The following TDRD3 variants were observed in gnomAD, a reference collection of about 807,000 sequenced individuals.
The protein encoded by TDRD3 is tudor domain containing 3, also known as tudor domain-containing protein 3.
In TDRD3, 45 loss-of-function variants were observed where a neutral mutation model predicts 86.7. The ratio of observed to expected loss-of-function variants is 0.52; its 90% confidence interval spans 0.41 to 0.67. The LOEUF (loss-of-function observed/expected upper bound fraction) is 0.67, where lower values mean the gene tolerates loss of function less well. TDRD3 is among the 30% of genes least tolerant of loss of function. The probability of loss-of-function intolerance (pLI) is 0.00; values close to 1 mark genes in which losing one functional copy is unlikely to be tolerated. For missense variants in TDRD3, 814 were observed against 889.0 expected, an observed-to-expected ratio of 0.92 and a Z score of 1.07; for synonymous variants, 298 against 301.7, an observed-to-expected ratio of 0.99 and a Z score of 0.13.
intron 1 of TDRD3, among the ~76,000 whole-genome samples, chr13:60,435,601 CA>C (rs1955069033): frequency 6.6e-6 from 1 of 152,098 alleles, no homozygotes; most frequent in Non-Finnish European, 1.5e-5. Flanking sequence ...GACATTATTT[CA>C]ATTCGTTTTT....
intron 10 of TDRD3, among the ~76,000 whole-genome samples, chr13:60,518,330 A>G (rs1280726804): frequency 2.0e-5 from 3 of 152,188 alleles, no homozygotes; most frequent in African/African-American, 7.2e-5. Context: ...GCATCTTAAC[A>G]CTGGAGGCTC....
chr13:60,463,362 CAAAA>C lies in TDRD3; in HGVS notation c.353+2839_353+2842del, dbSNP rs57195209. On this transcript the variant is annotated intron_variant, in intron 4 of 13. Transcript: ENST00000377881. ...GTGTGACAAGAGCAAAATTCTGGCT[CAAAA>C]AAAAAAAAAAAAAAAAGATAAGACC... Among the ~76,000 whole-genome samples the C allele has an allele frequency of 5.9e-4, 48 of 81,512 alleles. 1 individual carries two copies. Among genetic ancestry groups the C allele is most frequent in the African/African-American group, 2.6e-3 (44 of 17,240 alleles). The allele number at this position is 81,512 out of a possible 152,430, so 53.5% of individuals were successfully genotyped here. A position where few individuals can be genotyped will look rare whatever the true frequency, so the allele number is the denominator to read the frequency against.
intron 8 of TDRD3, among the ~76,000 whole-genome samples, chr13:60,503,066 C>T (rs909092049): frequency 2.0e-5 from 3 of 152,124 alleles, no homozygotes; most frequent in African/African-American, 7.2e-5. Context: ...AAATAAGTTT[C>T]CTTGACTCTG....
intron 3 of TDRD3, among the ~76,000 whole-genome samples, chr13:60,453,481 AC>A (rs1369825286): frequency 7.3e-6 from 1 of 137,440 alleles, no homozygotes; most frequent in African/African-American, 2.5e-5. Context: ...CTCTAGCAAC[AC>A]TTTCCTTTAA....
chr13:60,411,270 A>G (rs1414957895), intron 1 of TDRD3, among the ~76,000 whole-genome samples: 1 of 152,232 alleles, frequency 6.6e-6, no homozygotes, highest in East Asian at 1.9e-4. Context: ...TCATGAAGAA[A>G]AGAGTGCAGT....
intron 1 of TDRD3, among the ~76,000 whole-genome samples, chr13:60,426,771 A>G (rs1411654992): frequency 1.3e-5 from 2 of 152,222 alleles, no homozygotes; most frequent in Non-Finnish European, 2.9e-5. Flanking sequence ...ACCTTCACAT[A>G]CCATATACTG....
chr13:60,483,744 C>G (rs370190509), intron 5 of TDRD3, 31 bp from the exon 6 acceptor site: 5 of 1,582,212 alleles, frequency 3.2e-6, no homozygotes, highest in Non-Finnish European at 4.3e-6. Flanking sequence ...TTATGTATAA[C>G]TGCTCTTTTG....
chr13:60,498,420 T>C (rs752404305), intron 8 of TDRD3, among the ~76,000 whole-genome samples: 10 of 152,138 alleles, frequency 6.6e-5, no homozygotes, highest in Non-Finnish European at 1.2e-4. Flanking sequence ...TAATGGACGG[T>C]AGAAGCAAAA....
intron 1 of TDRD3, among the ~76,000 whole-genome samples, chr13:60,405,548 CTAAG>C (rs890695503): frequency 2.4e-4 from 37 of 151,966 alleles, no homozygotes; most frequent in South Asian, 1.9e-3. Flanking sequence ...TGGTAACTGA[CTAAG>C]TGAGGGGAGC....
chr13:60,463,697 A>G (rs535170652), intron 4 of TDRD3, among the ~76,000 whole-genome samples: 2 of 152,304 alleles, frequency 1.3e-5, no homozygotes, highest in South Asian at 2.1e-4. Flanking sequence ...TTAAAAATTG[A>G]TAAAAGACCT....
intron 1 of TDRD3, among the ~76,000 whole-genome samples, chr13:60,424,024 TTTG>T (rs934006890): frequency 1.3e-5 from 2 of 151,848 alleles, no homozygotes; most frequent in African/African-American, 4.8e-5. Context: ...TTTTTGTTTG[TTTG>T]TTTTTGTTTT....
intron 8 of TDRD3, among the ~76,000 whole-genome samples, chr13:60,507,480 A>G (rs1198157413): frequency 1.3e-5 from 2 of 152,338 alleles, no homozygotes; most frequent in South Asian, 2.1e-4. Flanking sequence ...AACGAAAATA[A>G]TAACAGTCTG....
intron 1 of TDRD3, among the ~76,000 whole-genome samples, chr13:60,414,072 A>G (rs1954432837): frequency 6.6e-6 from 1 of 152,170 alleles, no homozygotes; most frequent in Non-Finnish European, 1.5e-5. Context: ...TATTTTTATA[A>G]ATAAGGATTT....
At chr13:60,435,605 T>C (rs1955069120) in intron 1 of TDRD3, among the ~76,000 whole-genome samples, 1 of 152,156 alleles carries the variant, frequency 6.6e-6, no homozygotes. Context: ...TTATTTCAAT[T>C]CGTTTTTGTG....
intron 4 of TDRD3, among the ~76,000 whole-genome samples, chr13:60,464,571 T>TAC (rs910404597): frequency 2.0e-5 from 3 of 148,088 alleles, no homozygotes. Context: ...TGTATACACA[T>TAC]ACACACACAC....
intron 1 of TDRD3, among the ~76,000 whole-genome samples, chr13:60,416,758 C>G (rs1429634522): frequency 6.6e-6 from 1 of 152,162 alleles, no homozygotes; most frequent in Non-Finnish European, 1.5e-5. Context: ...GGCTCTGTTA[C>G]TTTGGACGGT....
At chr13:60,436,053 A>G (rs759093881) in intron 1 of TDRD3, among the ~76,000 whole-genome samples, 4 of 145,912 alleles carry the variant, frequency 2.7e-5, no homozygotes, top group Middle Eastern at 3.6e-3. Context: ...CTGTTTTTAT[A>G]TATCTTCTTT....
At chr13:60,542,201 T>G (rs1957834180) in intron 12 of TDRD3, among the ~76,000 whole-genome samples, 1 of 152,304 alleles carries the variant, frequency 6.6e-6, no homozygotes, top group South Asian at 2.1e-4. Context: ...TAGATACTTT[T>G]AAAGCTATAA....
At chr13:60,521,105 G>C (rs1380607582) in intron 10 of TDRD3, among the ~76,000 whole-genome samples, 2 of 152,196 alleles carry the variant, frequency 1.3e-5, no homozygotes, top group African/African-American at 2.4e-5. Context: ...TTTACTTTTT[G>C]TGTGTTGTGC....
Sources: gnomAD v4.1 joint callset for allele counts (sites outside exome capture counted in the v4.1 genomes callset) on GRCh38, gnomAD v4.1.1 for gene constraint, MANE v1.5 for transcripts, NCBI Gene and HGNC (gene_info 2026-07-23, HGNC 2026-07-21) for gene names.